B4GALT1: variants seen among roughly 807,000 people sequenced by gnomAD.
The protein encoded by B4GALT1 is beta-1,4-galactosyltransferase 1.
In B4GALT1, 16 loss-of-function variants were observed where a neutral mutation model predicts 34.9. The ratio of observed to expected loss-of-function variants is 0.46; its 90% CI spans 0.31 to 0.70. The LOEUF is 0.70. B4GALT1 is among the 30% of genes least tolerant of loss of function. B4GALT1 has a pLI of 0.05. For missense variants in B4GALT1, 445 were observed against 530.5 expected (o/e 0.84, Z 1.58); for synonymous variants, 221 against 218.1 (o/e 1.01, Z -0.12).
Position 33,112,190 on chromosome 9 carries a change from C to T in B4GALT1, c.*1264G>A, listed in dbSNP as rs1182544158. 1 of 152,316 alleles carries T rather than the reference C, an allele frequency of 6.6e-6. No individual in the cohort carries two copies. The highest frequency in any genetic ancestry group is 2.4e-5 in the African/African-American group (1 of 41,446). The allele number at this position is 152,316 out of a possible 1,614,324, so 9.4% of individuals were successfully genotyped here. ...GCAGAGCCTCTGAGGGAGGTGGCCC[C>T]CACCAGAACAGAGGCTCCCTCTGCC... On this transcript the variant is annotated 3_prime_UTR_variant, in exon 6 of 6. Transcript: ENST00000379731.
At chr9:33,151,164 C>T (rs1403303159) in intron 1 of B4GALT1, among the ~76,000 whole-genome samples, 1 of 152,208 alleles carries the variant, frequency 6.6e-6, no homozygotes, top group African/African-American at 2.4e-5. Flanking sequence ...AAATTCACTT[C>T]CCTGCTCTGA....
chr9:33,120,883 C>T (rs1291463578), intron 2 of B4GALT1, among the ~76,000 whole-genome samples: 5 of 152,116 alleles, frequency 3.3e-5, no homozygotes, highest in Non-Finnish European at 7.4e-5. Flanking sequence ...CTGCAAAAAA[C>T]AGAATAATCA....
chr9:33,140,698 T>C (rs1283738958), intron 1 of B4GALT1, among the ~76,000 whole-genome samples: 2 of 152,220 alleles, frequency 1.3e-5, no homozygotes, highest in East Asian at 1.9e-4. Flanking sequence ...ACAGCCCCTC[T>C]TCACAAATCA....
chr9:33,108,055 T>C (rs975547795), downstream of B4GALT1, among the ~76,000 whole-genome samples: 2 of 152,224 alleles, frequency 1.3e-5, no homozygotes, highest in African/African-American at 4.8e-5. Context: ...AGTCTGTATA[T>C]GTCAACACAT....
At chr9:33,140,523 T>C (rs1840333591) in intron 1 of B4GALT1, among the ~76,000 whole-genome samples, 1 of 152,232 alleles carries the variant, frequency 6.6e-6, no homozygotes, top group African/African-American at 2.4e-5. Flanking sequence ...TTGGCAGCCA[T>C]GGGTCAGGCC....
In B4GALT1 at chr9:33,113,469, G is replaced by A. The variant is rs1462803253; in HGVS notation, c.1182C>T (p.Ile394=). The A allele has an allele frequency of 5.6e-6, 9 of 1,614,044 alleles. No homozygotes were observed. Among genetic ancestry groups the A allele is most frequent in the Non-Finnish European group, 7.6e-6 (9 of 1,180,030 alleles). ...TACCAAAACGCTAGCTCGGTGTCCC[G>A]ATGTCCACTGTGATTTGGGTATACA... ...YPLYTQITVD[I]GTPS The change falls in exon 6 of 6, where the codon ATC becomes ATT. Residue 394 remains isoleucine (I), a synonymous_variant. Coordinates refer to ENST00000379731, the MANE Select transcript of B4GALT1 (RefSeq NM_001497.4).
chr9:33,121,849 C>T (rs939914352), intron 2 of B4GALT1, among the ~76,000 whole-genome samples: 1 of 151,948 alleles, frequency 6.6e-6, no homozygotes, highest in African/African-American at 2.4e-5. Flanking sequence ...CTGGGAAGCT[C>T]GACCAAAGAG....
chr9:33,135,016 C>T (rs1840245533), intron 2 of B4GALT1, among the ~76,000 whole-genome samples, 173 bp downstream of exon 2: 1 of 152,180 alleles, frequency 6.6e-6, no homozygotes, highest in Non-Finnish European at 1.5e-5. Flanking sequence ...TAGGCAAGCA[C>T]ACTGTTTGGC....
At chr9:33,109,750 C>T (rs901736688), downstream of B4GALT1, among the ~76,000 whole-genome samples, 1 of 152,200 alleles carries the variant, frequency 6.6e-6, no homozygotes, top group Non-Finnish European at 1.5e-5. Flanking sequence ...TTGCTATCTC[C>T]AGGCAGACAG....
chr9:33,171,273 T>C (rs989517125), upstream of B4GALT1, among the ~76,000 whole-genome samples: 1 of 152,196 alleles, frequency 6.6e-6, no homozygotes, highest in Non-Finnish European at 1.5e-5. Context: ...GCTTCACTCA[T>C]GTGAATGGCA....
chr9:33,167,328 C>T lies in B4GALT1; in HGVS notation c.-159G>A. On this transcript the variant is annotated 5_prime_UTR_variant, in exon 1 of 6. Transcript: ENST00000379731. ...GCTGAGACTCCTCCAGCCAGCCAGACCTGGGAGCGGCGAGAAGCCGCCCGA... is the reference window on the plus strand; with the variant it reads ...GCTGAGACTCCTCCAGCCAGCCAGATCTGGGAGCGGCGAGAAGCCGCCCGA... 1 of 986,848 alleles carries T rather than the reference C, an allele frequency of 1.0e-6. No homozygotes were observed. Among genetic ancestry groups the T allele is most frequent in the Non-Finnish European group, 1.3e-6 (1 of 752,556 alleles). 61.1% of individuals were successfully genotyped at this position (986,848 alleles called of 1,614,324 possible).
chr9:33,152,309 AATAACATAACATAACATAAC>A (rs370702963), intron 1 of B4GALT1, among the ~76,000 whole-genome samples: 58 of 122,076 alleles, frequency 4.8e-4, no homozygotes, highest in African/African-American at 8.4e-4. Flanking sequence ...CTCTCCAAAA[AATAACATAACATAACATAAC>A]ATAACATAAC....
At position 33,113,348 on chromosome 9, in the gene B4GALT1, G is replaced by C; in HGVS notation, c.*106C>G. 6.5e-7 allele frequency: 1 copy of C among 1,526,906 alleles called. No homozygotes were observed. The highest frequency in any genetic ancestry group is 1.1e-5 in the South Asian group (1 of 88,570). The allele number at this position is 1,526,906 out of a possible 1,614,324, so 94.6% of individuals were successfully genotyped here. A position where few individuals can be genotyped will look rare whatever the true frequency, so the allele number is the denominator to read the frequency against. On this transcript the variant is annotated 3_prime_UTR_variant, in exon 6 of 6. Transcript: ENST00000379731. ...TCTGAATGATGAGCGAAGGGGACCT[G>C]TCACTCAGACTGGTAAAAATGAGAG...
At chr9:33,184,631 C>G in the B4GALT1 span, among the ~76,000 whole-genome samples, 12 of 152,290 alleles carry the variant, frequency 7.9e-5, no homozygotes, top group Admixed American at 4.6e-4. Context: ...AAAATGCAGA[C>G]TCTGTTCAAG....
intron 2 of B4GALT1, among the ~76,000 whole-genome samples, chr9:33,121,485 C>T (rs939840499): frequency 6.6e-6 from 1 of 150,978 alleles, no homozygotes. Context: ...GCCTTAGCCT[C>T]GCGAGTAGCT....
intron 1 of B4GALT1, among the ~76,000 whole-genome samples, chr9:33,163,717 C>A (rs1418550573): frequency 6.6e-6 from 1 of 152,248 alleles, no homozygotes; most frequent in Non-Finnish European, 1.5e-5. Context: ...CAGGCAAACA[C>A]CCAGGTGGCC....
At chr9:33,109,628 C>A (rs552450250), downstream of B4GALT1, among the ~76,000 whole-genome samples, 1 of 152,158 alleles carries the variant, frequency 6.6e-6, no homozygotes, top group Non-Finnish European at 1.5e-5. Context: ...CACAGCAAGG[C>A]CCTGTATCCA....
intron 4 of B4GALT1, among the ~76,000 whole-genome samples, chr9:33,114,195 G>C (rs1048564453): frequency 6.6e-6 from 1 of 152,274 alleles, no homozygotes; most frequent in Non-Finnish European, 1.5e-5. Flanking sequence ...GAGGTGAGAA[G>C]AGGAAGATGA....
chr9:33,149,323 CTGGCTAGAG>C (rs1365928300), intron 1 of B4GALT1, among the ~76,000 whole-genome samples: 1 of 151,784 alleles, frequency 6.6e-6, no homozygotes, highest in East Asian at 1.9e-4. Flanking sequence ...CTCTGTCACC[CTGGCTAGAG>C]TGCAGTGGCG....
Sources: allele counts gnomAD v4.1 joint callset (sites outside exome capture counted in the v4.1 genomes callset), GRCh38; gene constraint gnomAD v4.1.1; transcripts MANE v1.5; gene names NCBI Gene and HGNC (gene_info 2026-07-23, HGNC 2026-07-21).